The following ARHGAP24 variants were observed in gnomAD, a reference collection of about 807,000 sequenced individuals.
ARHGAP24 encodes rho GTPase-activating protein 24.
ARHGAP24 carries 50 observed loss-of-function variants against 76.4 expected under a neutral mutation model. That is an observed-to-expected ratio of 0.65 (90% CI 0.52 to 0.83). ARHGAP24 has a LOEUF of 0.83. ARHGAP24 is among the 40% of genes least tolerant of loss of function. The probability of loss-of-function intolerance (pLI) is 0.00; values close to 1 mark genes in which losing one functional copy is unlikely to be tolerated. For missense variants in ARHGAP24, 930 were observed against 914.2 expected, an observed-to-expected ratio of 1.02 and a Z score of -0.22; for synonymous variants, 345 against 323.3, an observed-to-expected ratio of 1.07 and a Z score of -0.72.
At chr4:85,561,187 G>T (rs576195208) in intron 1 of ARHGAP24, among the ~76,000 whole-genome samples, 3 of 152,094 alleles carry the variant, frequency 2.0e-5, no homozygotes, top group South Asian at 4.1e-4. Context: ...TCAGAGCGGG[G>T]TGGTGGTGGC....
intron 2 of ARHGAP24, among the ~76,000 whole-genome samples, chr4:85,635,741 C>T (rs1035872833): frequency 5.3e-5 from 8 of 151,938 alleles, no homozygotes; most frequent in Admixed American, 2.0e-4. Context: ...ATCTTACCAG[C>T]GGAGTTTCTA....
chr4:85,702,907 C>G (rs1724150570), intron 2 of ARHGAP24, among the ~76,000 whole-genome samples: 1 of 151,502 alleles, frequency 6.6e-6, no homozygotes, highest in Admixed American at 6.6e-5. Flanking sequence ...ATACTCAAAA[C>G]AGTGACAGGG....
At chr4:85,486,124 G>A (rs576745056) in intron 1 of ARHGAP24, among the ~76,000 whole-genome samples, 2 of 152,276 alleles carry the variant, frequency 1.3e-5, no homozygotes, top group South Asian at 4.1e-4. Flanking sequence ...TTTTATAGAG[G>A]AGTGAGGATC....
intron 3 of ARHGAP24, among the ~76,000 whole-genome samples, chr4:85,889,276 A>G (rs942114186): frequency 6.6e-6 from 1 of 152,238 alleles, no homozygotes; most frequent in Non-Finnish European, 1.5e-5. Flanking sequence ...AAATGTTTAC[A>G]TTGGTAATGT....
rs770958088 is a variant in ARHGAP24 at position 85,570,657 on chromosome 4, G to A, written c.116G>A (p.Arg39His). The A allele has an allele frequency of 4.3e-6, 7 of 1,614,072 alleles. No individual in the cohort carries two copies. Among genetic ancestry groups the A allele is most frequent in the South Asian group, 1.1e-5 (1 of 91,078 alleles). ...QGGFVKTWHT[R>H]WFVLKGDQLY... is the part of the protein sequence containing the mutation. ...GGCTTTGTCAAGACTTGGCATACTC[G>A]CTGGTTTGTGCTCAAGGGGGATCAG... is the stretch of plus-strand genomic sequence containing the variant. Residue 39 changes from arginine (R) to histidine (H), a missense_variant, in exon 2 of 10, where the codon CGC becomes CAC. By Grantham distance (29) the Arg-to-His change is conservative. Transcript: ENST00000395184.
intron 3 of ARHGAP24, among the ~76,000 whole-genome samples, chr4:85,894,340 T>C (rs1284635376): frequency 6.6e-6 from 1 of 151,926 alleles, no homozygotes; most frequent in Non-Finnish European, 1.5e-5. Context: ...GGTCACTATT[T>C]ATAGGGAAGG....
At chr4:85,882,154 TAAAG>T (rs1427431949) in intron 3 of ARHGAP24, among the ~76,000 whole-genome samples, 1 of 104,390 alleles carries the variant, frequency 9.6e-6, no homozygotes, top group Non-Finnish European at 2.0e-5. Context: ...TGGGTTAAAA[TAAAG>T]AAGCCATAGG....
At chr4:85,833,838 C>G (rs1296430068) in intron 3 of ARHGAP24, among the ~76,000 whole-genome samples, 3 of 152,270 alleles carry the variant, frequency 2.0e-5, no homozygotes, top group African/African-American at 7.2e-5. Flanking sequence ...TTTATAAGCT[C>G]ACTAGAAGTC....
chr4:85,959,877 A>C (rs1007785406), intron 5 of ARHGAP24, among the ~76,000 whole-genome samples: 1 of 152,106 alleles, frequency 6.6e-6, no homozygotes, highest in Non-Finnish European at 1.5e-5. Flanking sequence ...CTTTTATTTT[A>C]GTTTTTGACA....
At chr4:85,919,594 G>T (rs1033849545) in intron 3 of ARHGAP24, among the ~76,000 whole-genome samples, 5 of 152,158 alleles carry the variant, frequency 3.3e-5, no homozygotes, top group African/African-American at 1.2e-4. Context: ...TTGTATCTGT[G>T]ATTGGCAGTC....
chr4:85,582,743 A>G (rs1485090762), intron 2 of ARHGAP24, among the ~76,000 whole-genome samples: 1 of 152,134 alleles, frequency 6.6e-6, no homozygotes, highest in Non-Finnish European at 1.5e-5. Context: ...GGGGGAAAAA[A>G]ACCTGCAAAA....
intron 2 of ARHGAP24, among the ~76,000 whole-genome samples, chr4:85,679,390 G>A (rs571555810): frequency 6.6e-6 from 1 of 152,206 alleles, no homozygotes; most frequent in South Asian, 2.1e-4. Context: ...TTCTGTTTGG[G>A]CCCTCTGAAC....
chr4:85,956,872 A>G (rs1737943903), intron 5 of ARHGAP24, among the ~76,000 whole-genome samples: 1 of 152,150 alleles, frequency 6.6e-6, no homozygotes, highest in African/African-American at 2.4e-5. Context: ...GTGCAGTTGC[A>G]AGATTTAATA....
intron 1 of ARHGAP24, among the ~76,000 whole-genome samples, chr4:85,485,360 AAAAAAAAAAAAAAAAAATAT>A (rs1237299944): frequency 1.7e-5 from 1 of 57,984 alleles, no homozygotes; most frequent in African/African-American, 8.1e-5. Context: ...AAAAAAAAAA[AAAAAAAAAAAAAAAAAATAT>A]ATATATATAT....
intron 1 of ARHGAP24, among the ~76,000 whole-genome samples, chr4:85,541,314 C>A (rs1388616579): frequency 1.5e-5 from 2 of 137,466 alleles, no homozygotes; most frequent in East Asian, 2.0e-4. Flanking sequence ...CCACTACGCC[C>A]GGCTAATTTT....
At chr4:85,936,012 C>G (rs745636013) in intron 4 of ARHGAP24, among the ~76,000 whole-genome samples, 1 of 152,186 alleles carries the variant, frequency 6.6e-6, no homozygotes, top group South Asian at 2.1e-4. Context: ...TAAGCTTTGC[C>G]TTGCTTTGTT....
intron 3 of ARHGAP24, among the ~76,000 whole-genome samples, chr4:85,894,452 T>G (rs1734025793): frequency 6.6e-6 from 1 of 152,206 alleles, no homozygotes; most frequent in East Asian, 1.9e-4. Flanking sequence ...TCTCTTCTCC[T>G]CTACAGCTTA....
intron 3 of ARHGAP24, among the ~76,000 whole-genome samples, chr4:85,904,517 C>T (rs1255035580): frequency 6.6e-6 from 1 of 152,156 alleles, no homozygotes; most frequent in African/African-American, 2.4e-5. Context: ...TATCAAATGT[C>T]TTTGAGAAAT....
intron 1 of ARHGAP24, among the ~76,000 whole-genome samples, chr4:85,524,090 A>G (rs1724891379): frequency 6.6e-6 from 1 of 152,060 alleles, no homozygotes; most frequent in African/African-American, 2.4e-5. Context: ...TTCAGTTATC[A>G]CTCACAGGCT....
Sources: allele counts gnomAD v4.1 joint callset (sites outside exome capture counted in the v4.1 genomes callset), GRCh38; gene constraint gnomAD v4.1.1; transcripts MANE v1.5; gene names NCBI Gene and HGNC (gene_info 2026-07-23, HGNC 2026-07-21).